ADGRF1: variants seen among roughly 807,000 people sequenced by gnomAD.
The protein encoded by ADGRF1 is adhesion G protein-coupled receptor F1.
In ADGRF1, 85 loss-of-function variants were observed where a neutral mutation model predicts 87.2. The observed-to-expected ratio is 0.97, with a 90% confidence interval of 0.82 to 1.17. The LOEUF (loss-of-function observed/expected upper bound fraction) is 1.17, where lower values mean the gene tolerates loss of function less well. ADGRF1 is among the 50% of genes most tolerant of loss of function. The pLI, the probability that ADGRF1 is intolerant of heterozygous loss-of-function variation, is 0.00. For missense variants in ADGRF1, 1,169 were observed against 1,077.2 expected (o/e 1.09, Z -1.19); for synonymous variants, 430 against 408.8 (o/e 1.05, Z -0.63).
intron 13 of ADGRF1, among the ~76,000 whole-genome samples, 168 bp downstream of exon 13, chr6:47,005,649 T>C (rs1038415478): frequency 1.3e-5 from 2 of 152,150 alleles, no homozygotes; most frequent in Non-Finnish European, 2.9e-5. Flanking sequence ...ACTCAACAAC[T>C]CTTTACTACC....
At chr6:47,018,822 C>T (rs532615531) in intron 7 of ADGRF1, 307 of 269,120 alleles carry the variant, frequency 1.1e-3, no homozygotes, top group Middle Eastern at 2.9e-3. Flanking sequence ...GGCTGGGCTT[C>T]GTGTCTCATG....
chr6:47,022,281 G>A (rs968031184), intron 5 of ADGRF1, among the ~76,000 whole-genome samples: 2 of 152,146 alleles, frequency 1.3e-5, no homozygotes, highest in Non-Finnish European at 2.9e-5. Flanking sequence ...GGTAATCAAG[G>A]CAACCTTAAA....
chr6:47,010,014 G>T lies in ADGRF1; in HGVS notation c.1421C>A (p.Ser474Tyr), dbSNP rs752854686. 6.2e-7 allele frequency: 1 copy of T among 1,614,148 alleles called. No homozygotes were observed. The highest frequency in any genetic ancestry group is 8.5e-7 in the Non-Finnish European group (1 of 1,180,014). The change falls in exon 11 of 15, where the codon TCC (serine) becomes TAC (tyrosine). Residue 474 changes from serine (S) to tyrosine (Y), a missense_variant. Physicochemically the swap from Ser to Tyr is moderately radical, Grantham distance 144. Transcript: ENST00000371253. ...CATGCTGATAATAGTTTCTGGAAGG[G>T]ATCTCTGGAATTGGTCTGACCCAAT... ...VLIGSDQFQR[S>Y]LPETIISMAS... is the part of the protein sequence containing the mutation.
chr6:47,012,621 C>T (rs769801618), intron 9 of ADGRF1: 238 of 985,054 alleles, frequency 2.4e-4, no homozygotes, highest in Middle Eastern at 5.2e-4. Flanking sequence ...GAGCACTCAG[C>T]GGAAAATGTT....
At position 47,024,224 on chromosome 6, in the gene ADGRF1, A is replaced by G. The variant is rs770340454; in HGVS notation, c.278-7T>C. 6.2e-7 allele frequency: 1 copy of G among 1,609,410 alleles called. No homozygotes were observed. The highest frequency in any genetic ancestry group is 8.5e-7 in the Non-Finnish European group (1 of 1,176,488). Reference sequence around the variant, plus strand: ...CCATTCAGGCTGTTGCAGTCTGCACAAGAAATAGAACTCAGTCTCATGGAT... The same window carrying G: ...CCATTCAGGCTGTTGCAGTCTGCACGAGAAATAGAACTCAGTCTCATGGAT... On this transcript the variant is annotated splice_region_variant and splice_polypyrimidine_tract_variant and intron_variant, in intron 4 of 14. Transcript: ENST00000371253.
Position 47,030,734 on chromosome 6 carries a change from G to T in ADGRF1, c.-43-1630C>A, listed in dbSNP as rs141162462. On this transcript the variant is annotated intron_variant, in intron 1 of 14. Coordinates refer to ENST00000371253, the MANE Select transcript of ADGRF1 (RefSeq NM_153840.4). ...ACAGTCACATTGCAGAGTGGGGGTT[G>T]TGCCCCTTCCAGCCCCTTTTCCACT... is the stretch of plus-strand genomic sequence containing the variant. Among the ~76,000 whole-genome samples the T allele has an allele frequency of 5.5e-3, 838 of 151,842 alleles. 3 individuals carry two copies. The highest frequency in any genetic ancestry group is 9.1e-3 in the Non-Finnish European group (621 of 67,970).
At position 47,014,218 on chromosome 6, in the gene ADGRF1, A is replaced by C. The variant is rs180688826; in HGVS notation, c.927+463T>G. 4,016 of 983,876 alleles carry C rather than the reference A, an allele frequency of 4.1e-3. 21 individuals are homozygous for C. The highest frequency in any genetic ancestry group is 0.021 in the South Asian group (439 of 21,246). 60.9% of individuals were successfully genotyped at this position (983,876 alleles called of 1,614,324 possible). ...GTAAACCAGATGCCCCTTAAGGTCC[A>C]TTGCAGTTCAGTCATTTTATATGGT... On this transcript the variant is annotated intron_variant, in intron 9 of 14. Transcript: ENST00000371253.
In ADGRF1 at chr6:47,020,840, G is replaced by A. The variant is rs369557695; in HGVS notation, c.553-51C>T. ...TGTTAATTGTTCTTCCCGTACTTCA[G>A]AAAGACATTTGAGCAAAAATTGATA... On this transcript the variant is annotated intron_variant, in intron 6 of 14. Coordinates refer to ENST00000371253, the MANE Select transcript of ADGRF1 (RefSeq NM_153840.4). The A allele has an allele frequency of 2.5e-4, 375 of 1,504,920 alleles. 1 individual carries two copies. The African/African-American group carries it at 4.1e-3, about 17-fold the overall frequency. 93.2% of individuals were successfully genotyped at this position (1,504,920 alleles called of 1,614,324 possible). A position where few individuals can be genotyped will look rare whatever the true frequency, so the allele number is the denominator to read the frequency against.
At chr6:47,015,555 T>C (rs1779844023) in intron 8 of ADGRF1, among the ~76,000 whole-genome samples, 1 of 151,930 alleles carries the variant, frequency 6.6e-6, no homozygotes, top group Admixed American at 6.6e-5. Context: ...GGAGTACAGG[T>C]GCACACCACG....
chr6:47,020,697 G>A, intron 7 of ADGRF1, 34 bp downstream of exon 7: 1 of 1,607,834 alleles, frequency 6.2e-7, no homozygotes, highest in Non-Finnish European at 8.5e-7. Context: ...GCCCAATTCT[G>A]GGGATGCCCT....
In ADGRF1 at chr6:46,999,108, G is replaced by A. The variant is rs1236004413; in HGVS notation, c.*1114C>T. On this transcript the variant is annotated 3_prime_UTR_variant, in exon 15 of 15. Coordinates refer to ENST00000371253, the MANE Select transcript of ADGRF1 (RefSeq NM_153840.4). ...GGTCACGGCTGAAACTCAGGTAGGT[G>A]AGCCAAATGTGATGGAAGTATGGAA... The A allele has an allele frequency of 6.6e-6, 1 of 152,236 alleles. No individual in the cohort carries two copies. Among genetic ancestry groups the A allele is most frequent in the African/African-American group, 2.4e-5 (1 of 41,460 alleles). 9.4% of individuals were successfully genotyped at this position (152,236 alleles called of 1,614,324 possible).
intron 1 of ADGRF1, among the ~76,000 whole-genome samples, chr6:47,036,664 T>A (rs1015300239): frequency 1.2e-4 from 19 of 152,238 alleles, no homozygotes; most frequent in Admixed American, 3.3e-4. Context: ...ATCTTCATTG[T>A]TTCAAACCTA....
chr6:47,035,795 A>G (rs761145503), intron 1 of ADGRF1, among the ~76,000 whole-genome samples: 2 of 152,182 alleles, frequency 1.3e-5, no homozygotes, highest in East Asian at 1.9e-4. Context: ...TTTCAAACCT[A>G]TCTTCCTGTT....
intron 4 of ADGRF1, among the ~76,000 whole-genome samples, chr6:47,025,534 G>C (rs917917168): frequency 7.2e-5 from 11 of 152,168 alleles, no homozygotes; most frequent in African/African-American, 2.7e-4. Flanking sequence ...TAGCCAAAAA[G>C]TTGTTGGCAG....
At chr6:47,028,933 G>T (rs1458447629) in intron 2 of ADGRF1, 60 bp downstream of exon 2, 21 of 1,342,216 alleles carry the variant, frequency 1.6e-5, no homozygotes, top group Non-Finnish European at 2.1e-5. Flanking sequence ...GGTTCTAAAA[G>T]TGCCGGAACG....
intron 13 of ADGRF1, among the ~76,000 whole-genome samples, chr6:47,002,517 C>CATGG (rs1779390012): frequency 6.6e-6 from 1 of 152,152 alleles, no homozygotes; most frequent in East Asian, 1.9e-4. Context: ...GGTCAGGGAT[C>CATGG]ATGGCACTTA....
In ADGRF1 at chr6:47,019,359, C is replaced by A. The variant is rs917070349; in HGVS notation, c.611+1372G>T. 37 of 985,222 alleles carry A rather than the reference C, an allele frequency of 3.8e-5. No homozygotes were observed. In the African/African-American group the frequency reaches 5.8e-4, roughly 15 times the overall value. The allele number at this position is 985,222 out of a possible 1,614,324, so 61.0% of individuals were successfully genotyped here. A position where few individuals can be genotyped will look rare whatever the true frequency, so the allele number is the denominator to read the frequency against. ...ATGACTTAAAGGATAATGCCCAGAA[C>A]AACATGTTTATAGCAAATGCTGTTG... On this transcript the variant is annotated intron_variant, in intron 7 of 14. Transcript: ENST00000371253.
At chr6:47,010,796 A>G (rs1038366010) in intron 10 of ADGRF1, among the ~76,000 whole-genome samples, 1 of 152,210 alleles carries the variant, frequency 6.6e-6, no homozygotes, top group East Asian at 1.9e-4. Flanking sequence ...TGTTTACTAT[A>G]GTTTTTATGT....
intron 1 of ADGRF1, among the ~76,000 whole-genome samples, chr6:47,033,853 A>G (rs1039707528): frequency 1.3e-5 from 2 of 152,252 alleles, no homozygotes; most frequent in African/African-American, 2.4e-5. Flanking sequence ...CAGCTGAGAA[A>G]ATAGGTGGGA....
Sources: allele counts gnomAD v4.1 joint callset (sites outside exome capture counted in the v4.1 genomes callset), GRCh38; gene constraint gnomAD v4.1.1; transcripts MANE v1.5; gene names NCBI Gene and HGNC (gene_info 2026-07-23, HGNC 2026-07-21).